Variants in DNAAF9 observed in about 807,000 individuals in gnomAD.
DNAAF9 encodes the protein dynein axonemal assembly factor 9.
Under a neutral mutation model 167.0 loss-of-function variants are expected in DNAAF9, and 90 were observed. The ratio of observed to expected loss-of-function variants is 0.54; its 90% CI spans 0.45 to 0.64. The LOEUF is 0.64. Among genes scored for constraint, DNAAF9 ranks in the 30% least tolerant of loss-of-function variants. The pLI, the probability that DNAAF9 is intolerant of heterozygous loss-of-function variation, is 0.00. For synonymous variants in DNAAF9, 491 were observed against 508.8 expected (o/e 0.96, Z 0.47); for missense variants, 1,315 against 1,442.2 (o/e 0.91, Z 1.43).
chr20:3,404,917 T>A (rs1477218661), intron 1 of DNAAF9, among the ~76,000 whole-genome samples: 2 of 152,222 alleles, frequency 1.3e-5, no homozygotes, highest in African/African-American at 4.8e-5. Context: ...TTGCTCAACC[T>A]ACCTGTCAAG....
At chr20:3,356,566 C>T (rs2083289506) in intron 7 of DNAAF9, among the ~76,000 whole-genome samples, 2 of 152,110 alleles carry the variant, frequency 1.3e-5, no homozygotes, top group South Asian at 2.1e-4. Flanking sequence ...TATCATTGCC[C>T]TCTTTTCTCT....
chr20:3,387,472 C>A (rs1175559104), intron 1 of DNAAF9, among the ~76,000 whole-genome samples: 1 of 152,052 alleles, frequency 6.6e-6, no homozygotes, highest in Admixed American at 6.6e-5. Context: ...TCACCGTACA[C>A]CATATAAAGA....
intron 11 of DNAAF9, 84 bp downstream of exon 11, chr20:3,332,196 T>C: frequency 1.3e-6 from 1 of 748,126 alleles, no homozygotes; most frequent in Non-Finnish European, 2.3e-6. Context: ...CCAAGCAAAG[T>C]AGTGAATTGT....
At chr20:3,355,737 A>G (rs1348053210) in intron 7 of DNAAF9, among the ~76,000 whole-genome samples, 1 of 152,028 alleles carries the variant, frequency 6.6e-6, no homozygotes, top group Non-Finnish European at 1.5e-5. Flanking sequence ...CCTTTAATAA[A>G]CCCTACTTCA....
In DNAAF9 at chr20:3,262,441, G is replaced by A. The variant is rs373982979; in HGVS notation, c.2873+1997C>T. ...AACTTTTGTATTTTTAATAGAGACG[G>A]GGTTTCACCATGTTGGCCAGGCTGA... is the stretch of plus-strand genomic sequence containing the variant. On this transcript the variant is annotated intron_variant, in intron 31 of 36. Coordinates refer to ENST00000252032, the MANE Select transcript of DNAAF9 (RefSeq NM_001009984.3). Among the ~76,000 whole-genome samples the A allele has an allele frequency of 3.3e-5, 5 of 152,052 alleles. No homozygotes were observed. In the East Asian group the frequency reaches 9.7e-4, roughly 29 times the overall value.
Position 3,318,400 on chromosome 20 carries a change from C to A in DNAAF9, c.1357G>T (p.Ala453Ser), listed in dbSNP as rs775679641. ...SEDSLSFVKT[A>S]CMAVYDIPDL... Reference sequence around the variant, plus strand: ...GGAATGTCATAGACGGCCATACAAGCCTGCATTGAATGAGAAACCAGTTAG... The same window carrying A: ...GGAATGTCATAGACGGCCATACAAGACTGCATTGAATGAGAAACCAGTTAG... The change falls in exon 17 of 37, where the codon GCT becomes TCT. Residue 453 changes from alanine (A) to serine (S), a missense_variant and splice_region_variant. Ala to Ser is a moderately conservative substitution (Grantham distance 99, BLOSUM62 1). This residue lies in a region of DNAAF9 where 981 missense variants were observed against 1,012.5 expected (regional missense o/e 0.97). Coordinates refer to ENST00000252032, the MANE Select transcript of DNAAF9 (RefSeq NM_001009984.3). 6.6e-7 allele frequency: 1 copy of A among 1,523,730 alleles called. No homozygotes were observed. 94.4% of individuals were successfully genotyped at this position (1,523,730 alleles called of 1,614,324 possible). A position where few individuals can be genotyped will look rare whatever the true frequency, so the allele number is the denominator to read the frequency against.
Position 3,294,618 on chromosome 20 carries a change from G to A in DNAAF9, c.2030C>T (p.Ala677Val), listed in dbSNP as rs2069031062. Reference sequence around the variant, plus strand: ...GCTCAGGGCACTGAAGAGCTTCTGTGCACTGGAGTGCCTGGAATAACAAAA... The same window carrying A: ...GCTCAGGGCACTGAAGAGCTTCTGTACACTGGAGTGCCTGGAATAACAAAA... Reference protein sequence around the residue: ...SVEQKRLHSSAQKLFSALSQP... With the variant: ...SVEQKRLHSSVQKLFSALSQP... The change falls in exon 24 of 37, where the codon GCA (alanine) becomes GTA (valine). Residue 677 changes from alanine (A) to valine (V), a missense_variant. Physicochemically the swap from Ala to Val is moderately conservative, Grantham distance 64. Transcript: ENST00000252032. 1 of 1,608,184 alleles carries A rather than the reference G, an allele frequency of 6.2e-7. No individual in the cohort carries two copies. The highest frequency in any genetic ancestry group is 1.3e-5 in the African/African-American group (1 of 74,766).
intron 8 of DNAAF9, among the ~76,000 whole-genome samples, chr20:3,348,152 G>C (rs1371541528): frequency 6.6e-6 from 1 of 152,092 alleles, no homozygotes; most frequent in Non-Finnish European, 1.5e-5. Flanking sequence ...CATGAGCCTG[G>C]TAACTGCTGA....
intron 1 of DNAAF9, among the ~76,000 whole-genome samples, chr20:3,395,798 G>T (rs765844526): frequency 2.0e-4 from 31 of 151,772 alleles, no homozygotes; most frequent in Non-Finnish European, 4.4e-5. Context: ...ATTCTTATTA[G>T]GTTGATTCCT....
In DNAAF9 at chr20:3,348,529, C is replaced by G. The variant is rs370265491; in HGVS notation, c.785G>C (p.Gly262Ala). Residue 262 changes from glycine to alanine, a missense_variant, in exon 8 of 37, where the codon GGT becomes GCT. Physicochemically the swap from Gly to Ala is moderately conservative, Grantham distance 60 (BLOSUM62 0). Transcript: ENST00000252032. ...FLLELSESQA[G>A]EPFRSYFSHG... ...TTTGACCCTTCCCTTACATACCTCA[C>G]CCGCCTGAGATTCTGAAAGTTCTAG... is the stretch of plus-strand genomic sequence containing the variant. The G allele has an allele frequency of 1.6e-5, 25 of 1,579,754 alleles. No individual in the cohort carries two copies. The highest frequency in any genetic ancestry group is 2.0e-5 in the Non-Finnish European group (23 of 1,154,616).
chr20:3,390,657 G>A (rs994593024), intron 1 of DNAAF9, among the ~76,000 whole-genome samples: 6 of 152,134 alleles, frequency 3.9e-5, no homozygotes, highest in Non-Finnish European at 7.3e-5. Flanking sequence ...GAGGTGCCAC[G>A]CCTGGCCTCT....
At position 3,294,451 on chromosome 20, in the gene DNAAF9, T is replaced by G. The variant is rs576933741; in HGVS notation, c.2120+77A>C. Reference sequence around the variant, plus strand: ...TAAGAAACTACAAGAAAAAGGAGCTTAAAAGGACCAACACTGAGGTTTCCG... The same window carrying G: ...TAAGAAACTACAAGAAAAAGGAGCTGAAAAGGACCAACACTGAGGTTTCCG... On this transcript the variant is annotated intron_variant, in intron 24 of 36. Transcript: ENST00000252032. 9.0e-5 allele frequency: 91 copies of G among 1,011,006 alleles called. No homozygotes were observed. In the African/African-American group the frequency reaches 1.4e-3, roughly 15 times the overall value. 62.6% of individuals were successfully genotyped at this position (1,011,006 alleles called of 1,614,324 possible). A position where few individuals can be genotyped will look rare whatever the true frequency, so the allele number is the denominator to read the frequency against.
rs776401733 is a variant in DNAAF9 at position 3,375,059 on chromosome 20, C to T, written c.476G>A (p.Ser159Asn). The change falls in exon 5 of 37, where the codon AGT (serine) becomes AAT (asparagine). Residue 159 changes from serine to asparagine, a missense_variant. This residue lies in a region of DNAAF9 where 981 missense variants were observed against 1,012.5 expected (regional missense o/e 0.97). Transcript: ENST00000252032. The stretch of plus-strand genomic sequence containing the variant: ...GGAGCTGTAAGGAATGCCAATTCTA[C>T]TACAGTCTCGAACCATGTCCACAAA... Reference protein sequence around the residue: ...TSFVDMVRDCSRIGIPYSSQG... With the variant: ...TSFVDMVRDCNRIGIPYSSQG... 2.2e-5 allele frequency: 35 copies of T among 1,609,864 alleles called. No individual in the cohort carries two copies. The highest frequency in any genetic ancestry group is 2.7e-5 in the African/African-American group (2 of 74,822).
chr20:3,296,195 G>A, intron 23 of DNAAF9: 1 of 551,546 alleles, frequency 1.8e-6, no homozygotes, highest in Non-Finnish European at 3.6e-6. Context: ...CCTGAGCCTA[G>A]GAGGTCAAGG....
intron 29 of DNAAF9, among the ~76,000 whole-genome samples, chr20:3,274,132 T>C (rs546860956): frequency 4.4e-3 from 677 of 152,136 alleles, no homozygotes; most frequent in Non-Finnish European, 5.2e-3. Context: ...ACAGGACTTA[T>C]ATTCTTTATT....
chr20:3,317,343 A>G (rs1348123230), intron 17 of DNAAF9, among the ~76,000 whole-genome samples: 5 of 140,104 alleles, frequency 3.6e-5, no homozygotes, highest in African/African-American at 1.3e-4. Context: ...CCTGGGTGAC[A>G]GAGCAAGACC....
At chr20:3,283,705 A>G (rs1361365040) in intron 27 of DNAAF9, among the ~76,000 whole-genome samples, 2 of 152,220 alleles carry the variant, frequency 1.3e-5, no homozygotes, top group South Asian at 2.1e-4. Context: ...TTTAACTCTT[A>G]CAGTTAATGT....
chr20:3,362,068 G>A, intron 6 of DNAAF9: 1 of 1,424,926 alleles, frequency 7.0e-7, no homozygotes, highest in Non-Finnish European at 9.8e-7. Context: ...TTAATTTTTT[G>A]TTACAAATAT....
chr20:3,310,414 G>C (rs755506347), intron 20 of DNAAF9, among the ~76,000 whole-genome samples: 1 of 146,330 alleles, frequency 6.8e-6, no homozygotes, highest in Non-Finnish European at 1.5e-5. Flanking sequence ...GCCAGGCGCA[G>C]TGGGTCACGC....
Sources: gnomAD v4.1 joint callset for allele counts (sites outside exome capture counted in the v4.1 genomes callset) on GRCh38, gnomAD v4.1.1 for gene constraint, gnomAD v4.1.1 regional missense constraint, MANE v1.5 for transcripts, NCBI Gene and HGNC (gene_info 2026-07-23, HGNC 2026-07-21) for gene names.